Variants in USP10 observed in about 807,000 individuals in gnomAD.
The protein encoded by USP10 is ubiquitin carboxyl-terminal hydrolase 10.
A neutral mutation model predicts 84.5 loss-of-function variants in USP10; 22 were observed. That is an observed-to-expected ratio of 0.26 (90% CI 0.19 to 0.37). USP10 has a LOEUF of 0.37. USP10 is among the 10% of genes least tolerant of loss of function. The probability of loss-of-function intolerance (pLI) is 1.00; values close to 1 mark genes in which losing one functional copy is unlikely to be tolerated. For synonymous variants in USP10, 454 were observed against 387.6 expected (o/e 1.17, Z -2.01); for missense variants, 1,019 against 998.9 (o/e 1.02, Z -0.27).
intron 1 of USP10, chr16:84,716,272 G>A (rs980463954): frequency 6.6e-6 from 1 of 152,170 alleles, no homozygotes. Context: ...CTATCTGATT[G>A]CATCTTACAG....
At chr16:84,704,661 G>A (rs1905252506) in intron 1 of USP10, 1 of 1,436,878 alleles carries the variant, frequency 7.0e-7, no homozygotes, top group Admixed American at 2.7e-5. Flanking sequence ...AGAAAATGTA[G>A]AATTTATCAT....
chr16:84,778,266 G>A (rs1459216685), intron 13 of USP10, among the ~76,000 whole-genome samples: 1 of 152,118 alleles, frequency 6.6e-6, no homozygotes, highest in Non-Finnish European at 1.5e-5. Flanking sequence ...CATGTGGGCC[G>A]GCACCGGGAG....
At chr16:84,754,831 C>T (rs1233156731) in intron 4 of USP10, among the ~76,000 whole-genome samples, 1 of 152,044 alleles carries the variant, frequency 6.6e-6, no homozygotes, top group African/African-American at 2.4e-5. Context: ...TATTCTGGGC[C>T]CCTAACTCAG....
intron 3 of USP10, among the ~76,000 whole-genome samples, chr16:84,741,615 G>A (rs1172141946): frequency 6.6e-6 from 1 of 152,056 alleles, no homozygotes; most frequent in Non-Finnish European, 1.5e-5. Context: ...GCCCTTTTCA[G>A]TGACTGCTTC....
intron 4 of USP10, among the ~76,000 whole-genome samples, chr16:84,750,446 GA>G (rs1264282272): frequency 6.6e-6 from 1 of 150,622 alleles, no homozygotes. Flanking sequence ...GCTTGTGTTT[GA>G]AAGTAGTTGC....
chr16:84,702,807 A>G (rs746123493), intron 1 of USP10, among the ~76,000 whole-genome samples: 2 of 152,010 alleles, frequency 1.3e-5, no homozygotes, highest in African/African-American at 2.4e-5. Context: ...AGCCTGACCA[A>G]TATAGTGAGA....
At chr16:84,759,277 T>C (rs1304724666) in intron 5 of USP10, 86 bp from the exon 6 acceptor site, 1 of 1,297,546 alleles carries the variant, frequency 7.7e-7, no homozygotes, top group South Asian at 1.2e-5. Flanking sequence ...CTTGTGTTTT[T>C]ATAAACATTC....
At chr16:84,732,315 A>G (rs552142348) in intron 1 of USP10, among the ~76,000 whole-genome samples, 1 of 152,338 alleles carries the variant, frequency 6.6e-6, no homozygotes, top group South Asian at 2.1e-4. Context: ...CACTCTGCTT[A>G]CCATTTTTAT....
At chr16:84,774,302 A>G (rs965556004) in intron 12 of USP10, among the ~76,000 whole-genome samples, 2 of 152,166 alleles carry the variant, frequency 1.3e-5, no homozygotes, top group Non-Finnish European at 2.9e-5. Context: ...GTCATGGGTC[A>G]GAAGTACAGA....
intron 4 of USP10, among the ~76,000 whole-genome samples, chr16:84,751,201 C>G (rs961319330): frequency 4.6e-5 from 7 of 152,176 alleles, no homozygotes; most frequent in Non-Finnish European, 4.4e-5. Context: ...GAGCAATAGG[C>G]TCTAGCATAT....
At chr16:84,721,195 A>G (rs1354315315) in intron 1 of USP10, among the ~76,000 whole-genome samples, 1 of 152,126 alleles carries the variant, frequency 6.6e-6, no homozygotes, top group African/African-American at 2.4e-5. Flanking sequence ...CCCGGCAATG[A>G]TGCAGAATTT....
At chr16:84,751,578 C>G (rs1042114204) in intron 4 of USP10, among the ~76,000 whole-genome samples, 5 of 152,204 alleles carry the variant, frequency 3.3e-5, no homozygotes, top group African/African-American at 1.2e-4. Context: ...CTTTCCACTT[C>G]AGAAACATAA....
chr16:84,736,428 A>C (rs1909944826), intron 2 of USP10, among the ~76,000 whole-genome samples: 1 of 152,234 alleles, frequency 6.6e-6, no homozygotes, highest in Non-Finnish European at 1.5e-5. Context: ...TGGCAAGATA[A>C]GGTGGCTAGT....
Position 84,778,899 on chromosome 16 carries a change from C to G in USP10, c.2214C>G (p.Val738=). 1 of 1,612,990 alleles carries G rather than the reference C, an allele frequency of 6.2e-7. No homozygotes were observed. Among genetic ancestry groups the G allele is most frequent in the East Asian group, 2.2e-5 (1 of 44,868 alleles). The stretch of plus-strand genomic sequence containing the variant: ...GCCTGCTGGGCTCTCTTCCAGTGGT[C>G]TACCATCACGGCAACAGTGCGACGG... ...CHRTYRLFAV[V]YHHGNSATGG... is the part of the protein sequence containing the mutation. The change falls in exon 14 of 14, where the codon GTC becomes GTG. Residue 738 remains valine (V), a synonymous_variant. Transcript: ENST00000219473.
At chr16:84,740,021 T>A (rs139511455) in intron 2 of USP10, among the ~76,000 whole-genome samples, 1 of 152,380 alleles carries the variant, frequency 6.6e-6, no homozygotes, top group East Asian at 1.9e-4. Flanking sequence ...AAGCATTTCA[T>A]TGTAGCTGAT....
intron 1 of USP10, among the ~76,000 whole-genome samples, chr16:84,710,935 C>T (rs776203211): frequency 9.9e-5 from 15 of 152,132 alleles, no homozygotes; most frequent in Non-Finnish European, 2.1e-4. Context: ...ATAACGAAAT[C>T]GTATTTTGGA....
intron 1 of USP10, among the ~76,000 whole-genome samples, chr16:84,708,305 C>T (rs1489420731): frequency 1.3e-5 from 2 of 152,034 alleles, no homozygotes; most frequent in African/African-American, 2.4e-5. Flanking sequence ...CAAAAATTAG[C>T]CGAGTGTGGT....
intron 1 of USP10, among the ~76,000 whole-genome samples, chr16:84,700,496 C>T (rs901132022): frequency 1.3e-5 from 2 of 152,038 alleles, no homozygotes; most frequent in African/African-American, 4.8e-5. Flanking sequence ...TCCCCTGGAG[C>T]GCAGGGGCCC....
At chr16:84,751,112 A>G (rs1468135823) in intron 4 of USP10, among the ~76,000 whole-genome samples, 1 of 152,192 alleles carries the variant, frequency 6.6e-6, no homozygotes, top group Non-Finnish European at 1.5e-5. Flanking sequence ...GAGCTAAACA[A>G]TTTCTAGTGA....
Sources: gnomAD v4.1 joint callset for allele counts (sites outside exome capture counted in the v4.1 genomes callset) on GRCh38, gnomAD v4.1.1 for gene constraint, MANE v1.5 for transcripts, NCBI Gene and HGNC (gene_info 2026-07-23, HGNC 2026-07-21) for gene names.